ENTHD1: variants seen among roughly 807,000 people sequenced by gnomAD.
ENTHD1 encodes ENTH domain containing 1.
A neutral mutation model predicts 39.1 loss-of-function variants in ENTHD1; 23 were observed. The observed-to-expected ratio is 0.59, with a 90% CI of 0.42 to 0.83. The LOEUF is 0.83. Ranked by LOEUF, ENTHD1 falls within the 40% of genes least tolerant of loss-of-function variation. The probability of loss-of-function intolerance (pLI) is 0.00; values close to 1 mark genes in which losing one functional copy is unlikely to be tolerated. For missense variants in ENTHD1, 624 were observed against 705.4 expected, an observed-to-expected ratio of 0.88 and a Z score of 1.31; for synonymous variants, 230 against 258.2, an observed-to-expected ratio of 0.89 and a Z score of 1.05.
chr22:39,819,190 C>T (rs2065758745), intron 5 of ENTHD1, among the ~76,000 whole-genome samples: 1 of 151,940 alleles, frequency 6.6e-6, no homozygotes, highest in African/African-American at 2.4e-5. Context: ...CACGGTGAAA[C>T]CCCGACTCTA....
intron 5 of ENTHD1, among the ~76,000 whole-genome samples, chr22:39,768,737 T>A (rs1398125899): frequency 6.6e-6 from 1 of 152,136 alleles, no homozygotes; most frequent in Non-Finnish European, 1.5e-5. Flanking sequence ...TTATAAATTA[T>A]TTAATATCAA....
In ENTHD1 at chr22:39,743,628, C is replaced by T; in HGVS notation, c.*51G>A. On this transcript the variant is annotated 3_prime_UTR_variant, in exon 7 of 7. Transcript: ENST00000325157. ...GAATTTATACAATGCTAACGTAAGTCTTGGGGAAGTGGAACCACACGAGTT... is the reference window on the plus strand; with the variant it reads ...GAATTTATACAATGCTAACGTAAGTTTTGGGGAAGTGGAACCACACGAGTT... 2 of 1,522,726 alleles carry T rather than the reference C, an allele frequency of 1.3e-6. No individual in the cohort carries two copies. The highest frequency in any genetic ancestry group is 1.4e-5 in the African/African-American group (1 of 72,012). 94.3% of individuals were successfully genotyped at this position (1,522,726 alleles called of 1,614,324 possible).
chr22:39,893,666 C>T (rs2066448183), intron 1 of ENTHD1, 29 bp downstream of exon 1: 1 of 152,328 alleles, frequency 6.6e-6, no homozygotes, highest in Non-Finnish European at 1.5e-5. Flanking sequence ...CCTTGAGCCC[C>T]ACCACCACTC....
At chr22:39,820,969 C>T (rs756075838) in intron 5 of ENTHD1, 24 bp downstream of exon 5, 7 of 1,612,236 alleles carry the variant, frequency 4.3e-6, no homozygotes, top group Non-Finnish European at 5.9e-6. Flanking sequence ...GATAAGTAAA[C>T]TTCCTATTCC....
intron 1 of ENTHD1, among the ~76,000 whole-genome samples, chr22:39,892,001 A>C (rs2066431037): frequency 6.6e-6 from 1 of 152,200 alleles, no homozygotes. Context: ...TGATATTAAA[A>C]AAATAAATAA....
chr22:39,863,932 T>G (rs1331058217), intron 2 of ENTHD1, among the ~76,000 whole-genome samples: 7 of 152,252 alleles, frequency 4.6e-5, no homozygotes, highest in Admixed American at 4.6e-4. Context: ...TTATTTTATC[T>G]AATCTCACTT....
At chr22:39,866,585 C>T (rs564397318) in intron 2 of ENTHD1, among the ~76,000 whole-genome samples, 10 of 152,216 alleles carry the variant, frequency 6.6e-5, no homozygotes, top group East Asian at 1.9e-4. Flanking sequence ...GGGCAGAGTG[C>T]GCCAGACAGG....
At chr22:39,774,792 C>T (rs552820271) in intron 5 of ENTHD1, among the ~76,000 whole-genome samples, 9 of 152,322 alleles carry the variant, frequency 5.9e-5, no homozygotes, top group Admixed American at 2.6e-4. Context: ...TATGCTCCCT[C>T]TCAGCACTAA....
At chr22:39,765,714 G>A (rs913746649) in intron 5 of ENTHD1, 105 bp from the exon 6 acceptor site, 2 of 1,165,646 alleles carry the variant, frequency 1.7e-6, no homozygotes, top group Admixed American at 2.6e-5. Context: ...TGTCATAACA[G>A]AATTCTTTCC....
At chr22:39,848,849 T>A (rs2066012390) in intron 3 of ENTHD1, among the ~76,000 whole-genome samples, 1 of 152,224 alleles carries the variant, frequency 6.6e-6, no homozygotes, top group Non-Finnish European at 1.5e-5. Flanking sequence ...CTTCTAAACG[T>A]TTCAAAGTTT....
rs1347423321 is a variant in ENTHD1, at chr22:39,848,468, G to A, written c.593-12510C>T. Among the ~76,000 whole-genome samples, 13 of 152,174 alleles carry A rather than the reference G, an allele frequency of 8.5e-5. No individual in the cohort carries two copies. The South Asian group carries it at 2.5e-3, about 29-fold the overall frequency. ...AGGGTTTCACCATGTTGGCCAGGAT[G>A]GTCTCAATCTCCTGACCTCATGATC... On this transcript the variant is annotated intron_variant, in intron 3 of 6. Coordinates refer to ENST00000325157, the MANE Select transcript of ENTHD1 (RefSeq NM_152512.4).
In ENTHD1 at chr22:39,744,127, A is replaced by G. The variant is rs960585734; in HGVS notation, c.1376T>C (p.Phe459Ser). The G allele has an allele frequency of 3.7e-6, 6 of 1,614,014 alleles. No homozygotes were observed. The highest frequency in any genetic ancestry group is 4.2e-6 in the Non-Finnish European group (5 of 1,179,994). Residue 459 changes from phenylalanine (F) to serine (S), a missense_variant, in exon 7 of 7, where the codon TTT becomes TCT. Transcript: ENST00000325157. Reference sequence around the variant, plus strand: ...CTTGGCTGTCTTATCTTCATCTTTAAAGGAGGTAGAAGACAACTGTTGATG... The same window carrying G: ...CTTGGCTGTCTTATCTTCATCTTTAGAGGAGGTAGAAGACAACTGTTGATG... ...LSHQQLSSTS[F>S]KDEDKTAKLH... is the part of the protein sequence containing the mutation.
intron 5 of ENTHD1, among the ~76,000 whole-genome samples, chr22:39,806,839 A>G (rs1411921720): frequency 1.3e-5 from 2 of 152,208 alleles, no homozygotes; most frequent in African/African-American, 2.4e-5. Context: ...CCCAAGAATG[A>G]GCAAGATTCA....
At chr22:39,819,300 A>G (rs926679612) in intron 5 of ENTHD1, among the ~76,000 whole-genome samples, 15 of 151,800 alleles carry the variant, frequency 9.9e-5, no homozygotes, top group African/African-American at 3.6e-4. Context: ...GGGAGGTGGA[A>G]GGTGCGGTGA....
intron 5 of ENTHD1, among the ~76,000 whole-genome samples, chr22:39,801,441 G>C (rs186128560): frequency 1.7e-4 from 26 of 152,304 alleles, no homozygotes; most frequent in African/African-American, 1.4e-4. Flanking sequence ...TGGCTGTGTT[G>C]TACAATAGTG....
At chr22:39,876,025 A>G in intron 2 of ENTHD1, 2 of 1,613,960 alleles carry the variant, frequency 1.2e-6, no homozygotes, top group South Asian at 2.2e-5. Context: ...ACTATGATGC[A>G]TCTGGCAGGA....
At chr22:39,759,721 T>C (rs1330668110) in intron 6 of ENTHD1, among the ~76,000 whole-genome samples, 4 of 152,092 alleles carry the variant, frequency 2.6e-5, no homozygotes, top group Admixed American at 6.5e-5. Context: ...GCTGTAATTT[T>C]CCCTCTAGCA....
intron 5 of ENTHD1, among the ~76,000 whole-genome samples, chr22:39,805,137 G>C (rs947925339): frequency 6.6e-6 from 1 of 152,194 alleles, no homozygotes; most frequent in Non-Finnish European, 1.5e-5. Context: ...TCTAGGTACT[G>C]AGTGTTCTGT....
intron 5 of ENTHD1, among the ~76,000 whole-genome samples, chr22:39,778,496 A>C (rs1340600398): frequency 6.6e-6 from 1 of 152,244 alleles, no homozygotes; most frequent in Non-Finnish European, 1.5e-5. Context: ...TGCAACACTG[A>C]AACAAGCCTT....
Sources: gnomAD v4.1 joint callset for allele counts (sites outside exome capture counted in the v4.1 genomes callset) on GRCh38, gnomAD v4.1.1 for gene constraint, MANE v1.5 for transcripts, NCBI Gene and HGNC (gene_info 2026-07-23, HGNC 2026-07-21) for gene names.